TENM4: variants seen among roughly 807,000 people sequenced by gnomAD.
TENM4 encodes teneurin transmembrane protein 4.
Under a neutral mutation model 243.3 loss-of-function variants are expected in TENM4, and 82 were observed. The observed-to-expected ratio is 0.34, with a 90% CI of 0.28 to 0.40. The LOEUF (loss-of-function observed/expected upper bound fraction) is 0.40, where lower values mean the gene tolerates loss of function less well. TENM4 is among the 10% of genes least tolerant of loss of function. The pLI is 1.00. For missense variants in TENM4, 3,138 were observed against 3,673.3 expected, an observed-to-expected ratio of 0.85 and a Z score of 3.77; for synonymous variants, 1,412 against 1,456.3, an observed-to-expected ratio of 0.97 and a Z score of 0.69.
intron 6 of TENM4, among the ~76,000 whole-genome samples, chr11:79,007,170 A>C (rs1180691030): frequency 6.6e-6 from 1 of 152,140 alleles, no homozygotes; most frequent in Non-Finnish European, 1.5e-5. Context: ...ATATACAGAC[A>C]TCCTGTTGGT....
intron 6 of TENM4, among the ~76,000 whole-genome samples, chr11:79,013,942 C>T (rs1260723415): frequency 1.3e-5 from 2 of 152,160 alleles, no homozygotes; most frequent in Non-Finnish European, 2.9e-5. Flanking sequence ...CACTCCCCAT[C>T]TTATATTCCC....
At position 79,288,620 on chromosome 11, in the gene TENM4, A is replaced by T. The variant is rs142851642; in HGVS notation, c.-265+8868T>A. Among the ~76,000 whole-genome samples, 299 of 152,342 alleles carry T rather than the reference A, an allele frequency of 2.0e-3. 1 individual carries two copies. The highest frequency in any genetic ancestry group is 6.8e-3 in the African/African-American group (283 of 41,582). ...ACAGACCTACGATAAATCCCAGCTT[A>T]TCTTCAGATCCATGATAACACCCGG... is the stretch of plus-strand genomic sequence containing the variant. On this transcript the variant is annotated intron_variant, in intron 2 of 33. Coordinates refer to ENST00000278550, the MANE Select transcript of TENM4 (RefSeq NM_001098816.3).
intron 1 of TENM4, among the ~76,000 whole-genome samples, chr11:79,362,178 TG>T (rs2135494783): frequency 6.6e-6 from 1 of 152,362 alleles, no homozygotes; most frequent in East Asian, 1.9e-4. Flanking sequence ...CAGTAGAACC[TG>T]GTCTTACACA....
At chr11:79,421,011 C>T (rs1275559328) in intron 1 of TENM4, among the ~76,000 whole-genome samples, 2 of 152,104 alleles carry the variant, frequency 1.3e-5, no homozygotes, top group Admixed American at 6.6e-5. Flanking sequence ...TTAGATGAGT[C>T]GAGGAGTGCA....
chr11:79,230,840 A>G (rs1232287138), intron 2 of TENM4, among the ~76,000 whole-genome samples: 2 of 152,184 alleles, frequency 1.3e-5, no homozygotes, highest in Non-Finnish European at 2.9e-5. Flanking sequence ...TAAGATCAAA[A>G]TCAAGTGTGT....
At position 79,347,375 on chromosome 11, in the gene TENM4, C is replaced by A. The variant is rs575114590; in HGVS notation, c.-320-49832G>T. On this transcript the variant is annotated intron_variant, in intron 1 of 33. Transcript: ENST00000278550. ...TGCATTTTCTTAACCATTCAAGGAA[C>A]TCCTAATAGGCCATGGACCTCAGGA... 9.8e-5 allele frequency among the ~76,000 whole-genome samples: 15 copies of A among 152,302 alleles called. 1 individual carries two copies. The South Asian group carries it at 3.1e-3, about 32-fold the overall frequency.
At chr11:78,900,692 T>C (rs1162063575) in intron 7 of TENM4, among the ~76,000 whole-genome samples, 1 of 152,136 alleles carries the variant, frequency 6.6e-6, no homozygotes, top group Non-Finnish European at 1.5e-5. Flanking sequence ...GAAATCAAGG[T>C]TCAGGGATGT....
intron 1 of TENM4, among the ~76,000 whole-genome samples, chr11:79,331,399 G>A (rs1446949045): frequency 6.6e-6 from 1 of 152,092 alleles, no homozygotes; most frequent in Non-Finnish European, 1.5e-5. Context: ...CTCTGTTGTT[G>A]CCTTATCTGT....
chr11:79,207,731 T>C (rs1863877197), intron 3 of TENM4, among the ~76,000 whole-genome samples: 1 of 151,744 alleles, frequency 6.6e-6, no homozygotes, highest in South Asian at 2.1e-4. Context: ...CCAGGTATGG[T>C]GGCATGCACC....
intron 6 of TENM4, among the ~76,000 whole-genome samples, chr11:78,919,565 G>A (rs138005841): frequency 4.6e-4 from 70 of 152,238 alleles, no homozygotes; most frequent in Non-Finnish European, 8.8e-4. Flanking sequence ...TGGTTACAAG[G>A]CTGGTAGTAG....
chr11:79,054,323 C>A (rs970210888), intron 6 of TENM4, among the ~76,000 whole-genome samples: 27 of 152,122 alleles, frequency 1.8e-4, no homozygotes, highest in Non-Finnish European at 4.4e-5. Flanking sequence ...CTTCTTTCAG[C>A]TGAATCATGA....
intron 1 of TENM4, among the ~76,000 whole-genome samples, chr11:79,419,707 G>A (rs1014754189): frequency 1.3e-5 from 2 of 152,140 alleles, no homozygotes; most frequent in Non-Finnish European, 2.9e-5. Flanking sequence ...GTTGTAAGGA[G>A]GTAAAGAGAT....
chr11:79,405,496 G>T (rs1224269226), intron 1 of TENM4, among the ~76,000 whole-genome samples: 3 of 143,444 alleles, frequency 2.1e-5, no homozygotes, highest in African/African-American at 5.3e-5. Context: ...AAAAAAAAAA[G>T]ACATTTTTTG....
intron 1 of TENM4, among the ~76,000 whole-genome samples, chr11:79,338,541 C>A (rs1565305736): frequency 6.6e-6 from 1 of 152,228 alleles, no homozygotes; most frequent in Non-Finnish European, 1.5e-5. Context: ...CATCACTGGG[C>A]AGCCAGAGCA....
At chr11:79,057,249 C>T (rs527428025) in intron 6 of TENM4, among the ~76,000 whole-genome samples, 2 of 152,090 alleles carry the variant, frequency 1.3e-5, no homozygotes, top group Admixed American at 6.6e-5. Context: ...CCGTGGCTCC[C>T]CTGCACTGGC....
intron 1 of TENM4, among the ~76,000 whole-genome samples, chr11:79,308,855 C>A (rs139163107): frequency 0.014 from 2,059 of 152,308 alleles, 43 homozygotes; most frequent in African/African-American, 0.047. Context: ...ACCACACCCA[C>A]TTTTGCAAGC....
At chr11:79,238,112 C>T (rs1864513890) in intron 2 of TENM4, among the ~76,000 whole-genome samples, 1 of 152,106 alleles carries the variant, frequency 6.6e-6, no homozygotes, top group Admixed American at 6.6e-5. Context: ...TGATATTTGT[C>T]CCCGCAGATT....
At chr11:79,126,405 T>G (rs1861877099) in intron 4 of TENM4, among the ~76,000 whole-genome samples, 1 of 152,202 alleles carries the variant, frequency 6.6e-6, no homozygotes, top group Admixed American at 6.5e-5. Flanking sequence ...GTCACTCAAC[T>G]ACAAAATTTA....
chr11:78,808,652 C>T (rs146209471), intron 14 of TENM4, among the ~76,000 whole-genome samples: 4 of 152,192 alleles, frequency 2.6e-5, no homozygotes, highest in African/African-American at 7.2e-5. Flanking sequence ...TATATACTTA[C>T]ATAAACACAA....
Sources: allele counts gnomAD v4.1 joint callset (sites outside exome capture counted in the v4.1 genomes callset), GRCh38; gene constraint gnomAD v4.1.1; transcripts MANE v1.5; gene names NCBI Gene and HGNC (gene_info 2026-07-23, HGNC 2026-07-21).